The following BICC1 variants were observed in gnomAD, a reference collection of about 807,000 sequenced individuals.
The protein encoded by BICC1 is protein bicaudal C homolog 1.
BICC1 carries 43 observed loss-of-function variants against 111.0 expected under a neutral mutation model. That is an observed-to-expected ratio of 0.39 (90% confidence interval 0.30 to 0.50). The LOEUF (loss-of-function observed/expected upper bound fraction) is 0.50, where lower values mean the gene tolerates loss of function less well. Ranked by LOEUF, BICC1 falls within the 20% of genes least tolerant of loss-of-function variation. The probability of loss-of-function intolerance (pLI) is 0.88; values close to 1 mark genes in which losing one functional copy is unlikely to be tolerated. For missense variants in BICC1, 1,091 were observed against 1,203.2 expected (o/e 0.91, Z 1.38); for synonymous variants, 467 against 434.4 (o/e 1.07, Z -0.93).
At chr10:58,775,984 A>G (rs1336367352) in intron 3 of BICC1, among the ~76,000 whole-genome samples, 1 of 152,262 alleles carries the variant, frequency 6.6e-6, no homozygotes, top group African/African-American at 2.4e-5. Context: ...TGTAACATAC[A>G]AAACAAAGAT....
chr10:58,802,299 G>A (rs899346357), intron 14 of BICC1, among the ~76,000 whole-genome samples: 1 of 152,136 alleles, frequency 6.6e-6, no homozygotes, highest in African/African-American at 2.4e-5. Context: ...CCCTCTTTTT[G>A]TATTCCCCAA....
chr10:58,671,594 C>T (rs1564544453), intron 2 of BICC1, among the ~76,000 whole-genome samples: 1 of 152,052 alleles, frequency 6.6e-6, no homozygotes, highest in Non-Finnish European at 1.5e-5. Flanking sequence ...AATGGGGTTC[C>T]AATTGGGACA....
intron 1 of BICC1, among the ~76,000 whole-genome samples, chr10:58,537,619 C>A (rs1343135307): frequency 6.6e-6 from 1 of 151,592 alleles, no homozygotes. Context: ...AGTATAATAC[C>A]GGAAGTCCTA....
intron 10 of BICC1, among the ~76,000 whole-genome samples, chr10:58,797,021 C>T (rs1001410947): frequency 4.6e-5 from 7 of 152,010 alleles, no homozygotes; most frequent in Non-Finnish European, 8.8e-5. Context: ...TAGTCAGAGG[C>T]CAGACCTGTA....
chr10:58,525,945 ATTT>A (rs1336259819), intron 1 of BICC1, among the ~76,000 whole-genome samples: 7 of 151,828 alleles, frequency 4.6e-5, no homozygotes, highest in Non-Finnish European at 7.4e-5. Context: ...GTTGAAAAAA[ATTT>A]TTTATAGTTA....
intron 13 of BICC1, 103 bp downstream of exon 13, chr10:58,800,429 C>G: frequency 9.1e-7 from 1 of 1,102,786 alleles, no homozygotes; most frequent in African/African-American, 1.6e-5. Context: ...TGCTAAACAG[C>G]TATCATTCAT....
intron 2 of BICC1, among the ~76,000 whole-genome samples, chr10:58,633,995 CTTTTTTTT>C: frequency 1.0e-5 from 1 of 99,942 alleles, no homozygotes; most frequent in South Asian, 3.5e-4. Context: ...TTTTTCTTTT[CTTTTTTTT>C]TTTTTTTTTA....
chr10:58,726,420 C>A (rs1841106953), intron 3 of BICC1, among the ~76,000 whole-genome samples: 1 of 152,188 alleles, frequency 6.6e-6, no homozygotes, highest in Admixed American at 6.5e-5. Context: ...AAAGGAACTT[C>A]ATATGTTTCC....
chr10:58,794,993 A>T (rs994457811), intron 9 of BICC1, among the ~76,000 whole-genome samples: 1 of 152,162 alleles, frequency 6.6e-6, no homozygotes, highest in Admixed American at 6.6e-5. Flanking sequence ...TTGTGTATAT[A>T]TATGTCTGTA....
intron 3 of BICC1, among the ~76,000 whole-genome samples, chr10:58,723,989 C>G (rs1418970849): frequency 6.6e-6 from 1 of 152,158 alleles, no homozygotes; most frequent in Admixed American, 6.5e-5. Flanking sequence ...AAGATGGAAA[C>G]AGTTAGTGTC....
Position 58,758,869 on chromosome 10 carries a change from T to A in BICC1, c.308-26132T>A, listed in dbSNP as rs910857681. Among the ~76,000 whole-genome samples, 6 of 151,314 alleles carry A rather than the reference T, an allele frequency of 4.0e-5. No homozygotes were observed. In the East Asian group the frequency reaches 7.7e-4, roughly 19 times the overall value. On this transcript the variant is annotated intron_variant, in intron 3 of 20. Transcript: ENST00000373886. ...GCTTTTGTTCTAATAAGATTTTTTT[T>A]AAGCTGGCCACTTGCTTAAGTCCAA...
In BICC1 at chr10:58,830,399, A is replaced by G. The variant is rs1844521271; in HGVS notation, c.*1508A>G. The G allele has an allele frequency of 6.6e-6, 1 of 152,188 alleles. No individual in the cohort carries two copies. The highest frequency in any genetic ancestry group is 2.1e-4 in the South Asian group (1 of 4,820). 9.4% of individuals were successfully genotyped at this position (152,188 alleles called of 1,614,324 possible). ...TTGTCAAGTTACCTGTACTGTAAAG[A>G]GTTATTTATGTTCAGTAGTCAAGAT... On this transcript the variant is annotated 3_prime_UTR_variant, in exon 21 of 21. Coordinates refer to ENST00000373886, the MANE Select transcript of BICC1 (RefSeq NM_001080512.3).
Position 58,788,370 on chromosome 10 carries a change from G to A in BICC1, c.547G>A (p.Val183Ile), listed in dbSNP as rs1843072775. The A allele has an allele frequency of 6.2e-7, 1 of 1,606,016 alleles. No individual in the cohort carries two copies. Among genetic ancestry groups the A allele is most frequent in the Non-Finnish European group, 8.5e-7 (1 of 1,173,284 alleles). ...RNNQAEKSNQVSIAGQPAGVE... is the reference protein window; with the variant it reads ...RNNQAEKSNQISIAGQPAGVE... ...ACTTTGTATTTTCCTCCTCTTATAGGTATCTATAGCGGGACAACCAGCAGG... is the reference window on the plus strand; with the variant it reads ...ACTTTGTATTTTCCTCCTCTTATAGATATCTATAGCGGGACAACCAGCAGG... The change falls in exon 6 of 21, where the codon GTA becomes ATA. Residue 183 changes from valine to isoleucine, a missense_variant and splice_region_variant. By Grantham distance (29) the Val-to-Ile change is conservative. Coordinates refer to ENST00000373886, the MANE Select transcript of BICC1 (RefSeq NM_001080512.3).
intron 1 of BICC1, among the ~76,000 whole-genome samples, chr10:58,612,086 T>A (rs897150176): frequency 6.6e-6 from 1 of 152,224 alleles, no homozygotes; most frequent in Non-Finnish European, 1.5e-5. Flanking sequence ...ACTTATGAGA[T>A]ACAGCATTCA....
intron 1 of BICC1, among the ~76,000 whole-genome samples, chr10:58,619,478 CTTTTT>C (rs60650027): frequency 2.5e-5 from 3 of 120,760 alleles, no homozygotes; most frequent in Admixed American, 8.5e-5. Flanking sequence ...AGTTTTGAAT[CTTTTT>C]TTTTTTTTTT....
chr10:58,761,287 A>G (rs1384893304), intron 3 of BICC1, among the ~76,000 whole-genome samples: 3 of 152,232 alleles, frequency 2.0e-5, no homozygotes, highest in Non-Finnish European at 4.4e-5. Flanking sequence ...CTGGAAAGAA[A>G]GTTGCTTCCT....
At chr10:58,604,196 C>T (rs930833509) in intron 1 of BICC1, among the ~76,000 whole-genome samples, 1 of 152,106 alleles carries the variant, frequency 6.6e-6, no homozygotes, top group African/African-American at 2.4e-5. Context: ...GTATTGTGTG[C>T]CCAGTCCCAC....
intron 3 of BICC1, among the ~76,000 whole-genome samples, chr10:58,756,075 C>T (rs1022873778): frequency 4.6e-5 from 7 of 152,142 alleles, no homozygotes; most frequent in Admixed American, 2.6e-4. Flanking sequence ...CACACCTCTG[C>T]TTGTTCCATT....
At chr10:58,585,115 C>T (rs999401731) in intron 1 of BICC1, among the ~76,000 whole-genome samples, 7 of 152,076 alleles carry the variant, frequency 4.6e-5, no homozygotes, top group Admixed American at 3.3e-4. Context: ...CTTTGTGAAC[C>T]GGATCAATAA....
Sources: allele counts gnomAD v4.1 joint callset (sites outside exome capture counted in the v4.1 genomes callset), GRCh38; gene constraint gnomAD v4.1.1; transcripts MANE v1.5; gene names NCBI Gene and HGNC (gene_info 2026-07-23, HGNC 2026-07-21).